The following UBA3 variants were observed in gnomAD, a reference collection of about 807,000 sequenced individuals.
UBA3 encodes ubiquitin like modifier activating enzyme 3, also known as NEDD8-activating enzyme E1 catalytic subunit.
UBA3 carries 26 observed loss-of-function variants against 73.5 expected under a neutral mutation model. That is an observed-to-expected ratio of 0.35 (90% CI 0.26 to 0.49). The LOEUF (loss-of-function observed/expected upper bound fraction) is 0.49. Ranked by LOEUF, UBA3 falls within the 20% of genes least tolerant of loss-of-function variation. UBA3 has a pLI of 0.98. For missense variants in UBA3, 495 were observed against 555.6 expected (o/e 0.89, Z 1.10); for synonymous variants, 217 against 191.2 (o/e 1.13, Z -1.11).
intron 11 of UBA3, 85 bp from the exon 12 acceptor site, chr3:69,057,394 C>A: frequency 7.9e-7 from 1 of 1,263,038 alleles, no homozygotes; most frequent in South Asian, 1.4e-5. Flanking sequence ...TATTAAATAC[C>A]ATTTTCTAAA....
intron 5 of UBA3, among the ~76,000 whole-genome samples, chr3:69,069,352 G>C (rs556322794): frequency 1.3e-5 from 2 of 152,140 alleles, no homozygotes; most frequent in South Asian, 4.2e-4. Context: ...GTTTGAGACA[G>C]AGTCTCGCTC....
At chr3:69,068,933 C>T (rs1482073674) in intron 5 of UBA3, among the ~76,000 whole-genome samples, 2 of 152,188 alleles carry the variant, frequency 1.3e-5, no homozygotes, top group South Asian at 2.1e-4. Flanking sequence ...GTTACTATTA[C>T]ATCACAGAAG....
At chr3:69,080,071 G>A in intron 2 of UBA3, 41 bp downstream of exon 2, 1 of 1,593,952 alleles carries the variant, frequency 6.3e-7, no homozygotes, top group Non-Finnish European at 8.6e-7. Flanking sequence ...GGGGGAGGCG[G>A]GGGTCCCCGG....
At chr3:69,055,660 T>G in intron 17 of UBA3, 135 bp from the exon 18 acceptor site, 1 of 890,590 alleles carries the variant, frequency 1.1e-6, no homozygotes, top group Non-Finnish European at 1.7e-6. Context: ...AAGTAATATT[T>G]GATTTCTTAG....
At position 69,055,252 on chromosome 3, in the gene UBA3, G is replaced by A. The variant is rs746511590; in HGVS notation, c.*185C>T. 4.9e-6 allele frequency: 2 copies of A among 406,322 alleles called. No homozygotes were observed. Among genetic ancestry groups the A allele is most frequent in the Non-Finnish European group, 8.9e-6 (2 of 225,084 alleles). 25.2% of individuals were successfully genotyped at this position (406,322 alleles called of 1,614,324 possible). A position where few individuals can be genotyped will look rare whatever the true frequency, so the allele number is the denominator to read the frequency against. On this transcript the variant is annotated 3_prime_UTR_variant, in exon 18 of 18. Transcript: ENST00000361055. Reference sequence around the variant, plus strand: ...CATTTCTCATATTATTAATGAAAATGCTTACAAGCACCAACACCAAAATTC... The same window carrying A: ...CATTTCTCATATTATTAATGAAAATACTTACAAGCACCAACACCAAAATTC...
intron 11 of UBA3, among the ~76,000 whole-genome samples, chr3:69,058,669 G>A (rs2091997219): frequency 1.3e-5 from 2 of 152,178 alleles, no homozygotes; most frequent in Admixed American, 6.5e-5. Flanking sequence ...AAGAGACACT[G>A]CCCAGTAAGA....
In UBA3 at chr3:69,069,366, C is replaced by T. The variant is rs1354355853; in HGVS notation, c.348-1358G>A. Among the ~76,000 whole-genome samples, 3 of 152,060 alleles carry T rather than the reference C, an allele frequency of 2.0e-5. No individual in the cohort carries two copies. In the East Asian group the frequency reaches 5.8e-4, roughly 29 times the overall value. Reference sequence around the variant, plus strand: ...TGTTTGAGACAGAGTCTCGCTCTGTCACCCACGCTGGAGTGCAGTGGCACA... The same window carrying T: ...TGTTTGAGACAGAGTCTCGCTCTGTTACCCACGCTGGAGTGCAGTGGCACA... On this transcript the variant is annotated intron_variant, in intron 5 of 17. Coordinates refer to ENST00000361055, the MANE Select transcript of UBA3 (RefSeq NM_003968.4).
intron 11 of UBA3, 54 bp downstream of exon 11, chr3:69,061,760 A>C (rs758075726): frequency 1.1e-4 from 134 of 1,185,578 alleles, no homozygotes; most frequent in Middle Eastern, 2.0e-4. Flanking sequence ...TCCTGAAAGC[A>C]TCCCAGCCCT....
At chr3:69,071,926 G>A (rs963916262) in intron 4 of UBA3, among the ~76,000 whole-genome samples, 2 of 152,098 alleles carry the variant, frequency 1.3e-5, no homozygotes, top group South Asian at 2.1e-4. Context: ...TTGCTTTGCT[G>A]CTATTGATGG....
Position 69,056,617 on chromosome 3 carries a change from T to C in UBA3, c.1078A>G (p.Arg360Gly), listed in dbSNP as rs752001283. ...GLYTYTFEAE[R>G]KENCPACSQL... ...GTGTTCTTAATACTACTAACCTTTCTTTCTGCTTCAAATGTGTATGTATAC... is the reference window on the plus strand; with the variant it reads ...GTGTTCTTAATACTACTAACCTTTCCTTCTGCTTCAAATGTGTATGTATAC... The change falls in exon 14 of 18, where the codon AGA becomes GGA. Residue 360 changes from arginine to glycine, a missense_variant. Transcript: ENST00000361055. 1.2e-6 allele frequency: 2 copies of C among 1,609,156 alleles called. No individual in the cohort carries two copies. Among genetic ancestry groups the C allele is most frequent in the South Asian group, 2.2e-5 (2 of 90,442 alleles).
At chr3:69,063,377 T>A (rs2092039625) in intron 8 of UBA3, 62 bp downstream of exon 8, 1 of 1,495,536 alleles carries the variant, frequency 6.7e-7, no homozygotes, top group East Asian at 2.3e-5. Flanking sequence ...AATTCTAATT[T>A]TGGGGATGTG....
intron 6 of UBA3, among the ~76,000 whole-genome samples, chr3:69,066,114 A>T (rs1214157286): frequency 6.6e-6 from 1 of 152,122 alleles, no homozygotes; most frequent in Non-Finnish European, 1.5e-5. Context: ...GATGAAGTTC[A>T]GTGTATCAAT....
chr3:69,064,019 A>T, intron 7 of UBA3, 49 bp downstream of exon 7: 1 of 1,512,782 alleles, frequency 6.6e-7, no homozygotes, highest in Non-Finnish European at 9.0e-7. Flanking sequence ...GCTACCAACT[A>T]AAAAATTCTA....
At chr3:69,080,301 A>G (rs1355789785) in intron 1 of UBA3, 33 bp downstream of exon 1, 5 of 1,603,458 alleles carry the variant, frequency 3.1e-6, no homozygotes, top group Admixed American at 1.7e-5. Context: ...AACCCAGCCC[A>G]GCCCGGCGCG....
At chr3:69,055,829 T>G in intron 17 of UBA3, 22 bp downstream of exon 17, 3 of 1,599,548 alleles carry the variant, frequency 1.9e-6, no homozygotes, top group Non-Finnish European at 2.6e-6. Context: ...AAATGATTAG[T>G]AAATACCCTT....
chr3:69,067,824 C>G, intron 6 of UBA3, 104 bp downstream of exon 6: 2 of 795,862 alleles, frequency 2.5e-6, no homozygotes, highest in Non-Finnish European at 3.9e-6. Flanking sequence ...CTACTGCTGA[C>G]TTTTTTTCCC....
chr3:69,075,515 A>G lies in UBA3; in HGVS notation c.184-5T>C. ...ATCTAACAAGAACTGGAGAGACTGT[A>G]AAGAATGGAAAGGCATATTAAAAGC... On this transcript the variant is annotated splice_polypyrimidine_tract_variant and splice_region_variant and intron_variant, in intron 3 of 17. Coordinates refer to ENST00000361055, the MANE Select transcript of UBA3 (RefSeq NM_003968.4). The G allele has an allele frequency of 1.3e-6, 2 of 1,521,874 alleles. No homozygotes were observed. Among genetic ancestry groups the G allele is most frequent in the Non-Finnish European group, 1.8e-6 (2 of 1,137,308 alleles). The allele number at this position is 1,521,874 out of a possible 1,614,324, so 94.3% of individuals were successfully genotyped here. A position where few individuals can be genotyped will look rare whatever the true frequency, so the allele number is the denominator to read the frequency against.
intron 12 of UBA3, 94 bp downstream of exon 12, chr3:69,057,162 G>A: frequency 7.8e-7 from 1 of 1,278,914 alleles, no homozygotes. Flanking sequence ...ACCCATCCAA[G>A]AAGATATCAA....
intron 5 of UBA3, 36 bp from the exon 6 acceptor site, chr3:69,068,044 T>C: frequency 7.7e-7 from 1 of 1,298,826 alleles, no homozygotes. Flanking sequence ...ATTCATATTA[T>C]AAATCTATAT....
Sources: allele counts gnomAD v4.1 joint callset (sites outside exome capture counted in the v4.1 genomes callset), GRCh38; gene constraint gnomAD v4.1.1; transcripts MANE v1.5; gene names NCBI Gene and HGNC (gene_info 2026-07-23, HGNC 2026-07-21).